Variants in MAML2 observed in about 807,000 individuals in gnomAD.
MAML2 encodes the protein mastermind like transcriptional coactivator 2.
A neutral mutation model predicts 96.1 loss-of-function variants in MAML2; 22 were observed. That is an observed-to-expected ratio of 0.23 (90% CI 0.16 to 0.33). The LOEUF (loss-of-function observed/expected upper bound fraction) is 0.33. Ranked by LOEUF, MAML2 falls within the 10% of genes least tolerant of loss-of-function variation. The pLI, the probability that MAML2 is intolerant of heterozygous loss-of-function variation, is 1.00. For synonymous variants in MAML2, 561 were observed against 521.3 expected (o/e 1.08, Z -1.04); for missense variants, 1,367 against 1,392.4 (o/e 0.98, Z 0.29).
intron 2 of MAML2, among the ~76,000 whole-genome samples, chr11:96,041,975 ATTTTT>A (rs549945518): frequency 3.3e-5 from 4 of 121,796 alleles, no homozygotes; most frequent in Non-Finnish European, 5.0e-5. Context: ...CGCCCGGCTA[ATTTTT>A]TTTTTTTTTT....
intron 2 of MAML2, among the ~76,000 whole-genome samples, chr11:96,091,179 G>T (rs530953191): frequency 6.6e-6 from 1 of 152,128 alleles, no homozygotes; most frequent in African/African-American, 2.4e-5. Flanking sequence ...ATCTGTAGTC[G>T]TGATAATTTC....
chr11:96,309,696 A>ATTT (rs36116461), intron 1 of MAML2, among the ~76,000 whole-genome samples: 17 of 138,718 alleles, frequency 1.2e-4, no homozygotes, highest in Non-Finnish European at 1.4e-4. Context: ...CAAAGGAACA[A>ATTT]TTTTTTTTTT....
chr11:96,267,509 G>A (rs1443869827), intron 1 of MAML2, among the ~76,000 whole-genome samples: 1 of 152,196 alleles, frequency 6.6e-6, no homozygotes, highest in African/African-American at 2.4e-5. Context: ...CAACCAGAAA[G>A]TGAAACTTAA....
chr11:96,219,079 C>T (rs11021474), intron 1 of MAML2, among the ~76,000 whole-genome samples: 32,700 of 152,088 alleles, frequency 0.22, 3,920 homozygotes, highest in Middle Eastern at 0.35. Context: ...TGGGGCCATC[C>T]GGCTCCGGGT....
chr11:96,242,338 T>TA lies in MAML2; in HGVS notation c.513+99044dup, dbSNP rs561925041. ...ACTTCATAAAAATCACTAGGGATTT[T>TA]AAAAAAATGCCCATGTACTCTTATT... On this transcript the variant is annotated intron_variant, in intron 1 of 4. Transcript: ENST00000524717. Among the ~76,000 whole-genome samples the TA allele has an allele frequency of 4.6e-5, 7 of 152,280 alleles. 1 individual carries two copies. The highest frequency in any genetic ancestry group is 1.3e-4 in the Admixed American group (2 of 15,302).
At position 95,977,435 on chromosome 11, in the gene MAML2, G is replaced by A. The variant is rs1015384218; in HGVS notation, c.*1513C>T. 3.1e-5 allele frequency: 6 copies of A among 190,678 alleles called. No individual in the cohort carries two copies. Among genetic ancestry groups the A allele is most frequent in the Admixed American group, 6.1e-5 (1 of 16,266 alleles). 11.8% of individuals were successfully genotyped at this position (190,678 alleles called of 1,614,324 possible). A position where few individuals can be genotyped will look rare whatever the true frequency, so the allele number is the denominator to read the frequency against. On this transcript the variant is annotated 3_prime_UTR_variant, in exon 5 of 5. Transcript: ENST00000524717. ...GACAGCTTTGCAGAATTTTCAAAGTGTGTTCTTTTTCTTTGAACAGATATT... is the reference window on the plus strand; with the variant it reads ...GACAGCTTTGCAGAATTTTCAAAGTATGTTCTTTTTCTTTGAACAGATATT...
chr11:96,202,704 T>A (rs1861843387), intron 1 of MAML2, among the ~76,000 whole-genome samples: 1 of 151,954 alleles, frequency 6.6e-6, no homozygotes, highest in East Asian at 1.9e-4. Context: ...CTTGGCTCAC[T>A]GCAACCTCCA....
chr11:96,036,832 C>T (rs987045064), intron 2 of MAML2, among the ~76,000 whole-genome samples: 3 of 152,100 alleles, frequency 2.0e-5, no homozygotes, highest in South Asian at 2.1e-4. Context: ...AGGTGTGCTG[C>T]GGCTAACTTA....
intron 1 of MAML2, among the ~76,000 whole-genome samples, chr11:96,267,020 T>C (rs1003515454): frequency 1.3e-5 from 2 of 152,220 alleles, no homozygotes; most frequent in African/African-American, 4.8e-5. Context: ...TGAAAGGCCA[T>C]GTAGCCTGCT....
intron 1 of MAML2, among the ~76,000 whole-genome samples, chr11:96,334,243 A>G (rs2136019494): frequency 6.6e-6 from 1 of 152,334 alleles, no homozygotes; most frequent in Middle Eastern, 3.4e-3. Context: ...TACTGGAAAC[A>G]CAATTCTGGG....
intron 1 of MAML2, among the ~76,000 whole-genome samples, chr11:96,121,655 T>G (rs1196604228): frequency 6.6e-6 from 1 of 151,958 alleles, no homozygotes; most frequent in African/African-American, 2.4e-5. Context: ...CTGGCATCTT[T>G]CAGGTCACCA....
intron 1 of MAML2, among the ~76,000 whole-genome samples, chr11:96,248,276 C>A (rs1862537334): frequency 6.6e-6 from 1 of 151,794 alleles, no homozygotes. Context: ...CCATGCCTGG[C>A]TAATTTTGTA....
At chr11:96,122,040 G>A (rs1450219192) in intron 1 of MAML2, among the ~76,000 whole-genome samples, 2 of 128,794 alleles carry the variant, frequency 1.6e-5, no homozygotes, top group African/African-American at 6.0e-5. Flanking sequence ...TCGATCTCTT[G>A]ACCTCGTGAT....
rs7104987 is a variant in MAML2 at position 95,978,750 on chromosome 11, A to G, written c.*198T>C. ...TTAGACAGGGAAAAGTGATCCCAAT[A>G]TTTTACTTTCAGGTGTAAGATTTAA... is the stretch of plus-strand genomic sequence containing the variant. On this transcript the variant is annotated 3_prime_UTR_variant, in exon 5 of 5. Coordinates refer to ENST00000524717, the MANE Select transcript of MAML2 (RefSeq NM_032427.4). The G allele has an allele frequency of 0.4, 227,616 of 563,790 alleles. 48,439 individuals are homozygous for G. The highest frequency in any genetic ancestry group is 0.55 in the African/African-American group (28,869 of 52,890). 34.9% of individuals were successfully genotyped at this position (563,790 alleles called of 1,614,324 possible). A position where few individuals can be genotyped will look rare whatever the true frequency, so the allele number is the denominator to read the frequency against.
rs151313317 is a variant in MAML2, at chr11:96,035,888, A to C, written c.2140-44165T>G. 4.5e-4 allele frequency among the ~76,000 whole-genome samples: 69 copies of C among 152,292 alleles called. 1 individual carries two copies. The highest frequency in any genetic ancestry group is 1.5e-3 in the African/African-American group (64 of 41,558). ...CTCCATGTGACCGTGGGCAAGTTAC[A>C]TAACCTCTCTGATACACGTGCTGGG... On this transcript the variant is annotated intron_variant, in intron 2 of 4. Transcript: ENST00000524717.
intron 1 of MAML2, among the ~76,000 whole-genome samples, chr11:96,210,819 A>C (rs1861960773): frequency 6.6e-6 from 1 of 152,222 alleles, no homozygotes; most frequent in African/African-American, 2.4e-5. Flanking sequence ...TACTTTTATA[A>C]AACCAATATA....
intron 1 of MAML2, among the ~76,000 whole-genome samples, chr11:96,224,368 C>T (rs1591081927): frequency 6.6e-6 from 1 of 152,158 alleles, no homozygotes; most frequent in Admixed American, 6.5e-5. Context: ...TCCAATATAT[C>T]CTTCCAACCT....
At chr11:96,002,903 A>G (rs1858113509) in intron 2 of MAML2, among the ~76,000 whole-genome samples, 1 of 140,350 alleles carries the variant, frequency 7.1e-6, no homozygotes, top group South Asian at 2.4e-4. Context: ...GATGGGGATG[A>G]TGAGAAAGAT....
At chr11:96,205,847 C>T (rs1861888233) in intron 1 of MAML2, among the ~76,000 whole-genome samples, 1 of 152,208 alleles carries the variant, frequency 6.6e-6, no homozygotes, top group African/African-American at 2.4e-5. Flanking sequence ...GGAAAGATTC[C>T]CGTCTGGCTT....
Sources: gnomAD v4.1 joint callset for allele counts (sites outside exome capture counted in the v4.1 genomes callset) on GRCh38, gnomAD v4.1.1 for gene constraint, MANE v1.5 for transcripts, NCBI Gene and HGNC (gene_info 2026-07-23, HGNC 2026-07-21) for gene names.